DPP10: variants seen among roughly 807,000 people sequenced by gnomAD.
DPP10 encodes the protein dipeptidyl peptidase like 10, also known as inactive dipeptidyl peptidase 10.
Under a neutral mutation model 120.9 loss-of-function variants are expected in DPP10, and 33 were observed. The ratio of observed to expected loss-of-function variants is 0.27; its 90% confidence interval spans 0.21 to 0.37. The LOEUF is 0.37. Among genes scored for constraint, DPP10 ranks in the 10% least tolerant of loss-of-function variants. DPP10 has a pLI of 1.00. For synonymous variants in DPP10, 337 were observed against 326.1 expected, an observed-to-expected ratio of 1.03 and a Z score of -0.36; for missense variants, 816 against 942.8, an observed-to-expected ratio of 0.87 and a Z score of 1.76.
At chr2:114,805,714 G>C (rs767720355) in intron 1 of DPP10, among the ~76,000 whole-genome samples, 2 of 152,172 alleles carry the variant, frequency 1.3e-5, no homozygotes, top group African/African-American at 2.4e-5. Context: ...GAGACACTCA[G>C]AGACCAAAGT....
chr2:114,538,078 G>T (rs1044489936), intron 1 of DPP10, among the ~76,000 whole-genome samples: 6 of 152,170 alleles, frequency 3.9e-5, no homozygotes, highest in African/African-American at 1.2e-4. Flanking sequence ...GCTAGCTGTT[G>T]GGTTTGTAAA....
intron 1 of DPP10, among the ~76,000 whole-genome samples, chr2:114,983,482 G>C (rs541194197): frequency 1.6e-4 from 24 of 152,210 alleles, no homozygotes; most frequent in African/African-American, 5.5e-4. Context: ...ATTTTTACTG[G>C]TGAATACATT....
At chr2:114,976,572 CT>C (rs1052577803) in intron 1 of DPP10, among the ~76,000 whole-genome samples, 1 of 152,128 alleles carries the variant, frequency 6.6e-6, no homozygotes, top group African/African-American at 2.4e-5. Context: ...TCATACTTTC[CT>C]TTTTAAACTG....
chr2:115,278,620 A>G (rs13414518), intron 1 of DPP10, among the ~76,000 whole-genome samples: 262 of 152,172 alleles, frequency 1.7e-3, no homozygotes, highest in African/African-American at 6.0e-3. Flanking sequence ...CTGACTATGC[A>G]GAGATCACAT....
At chr2:115,700,461 A>G (rs1452804934) in intron 7 of DPP10, among the ~76,000 whole-genome samples, 1 of 152,208 alleles carries the variant, frequency 6.6e-6, no homozygotes, top group African/African-American at 2.4e-5. Flanking sequence ...CATGTATGCA[A>G]AATGAACGGT....
intron 1 of DPP10, among the ~76,000 whole-genome samples, chr2:115,011,564 TTTG>T (rs995187555): frequency 2.0e-5 from 3 of 152,264 alleles, no homozygotes; most frequent in South Asian, 2.1e-4. Flanking sequence ...CACACAGCTT[TTTG>T]TTGTTGTTGT....
At chr2:115,822,930 A>T (rs1366228712) in intron 21 of DPP10, among the ~76,000 whole-genome samples, 1 of 151,994 alleles carries the variant, frequency 6.6e-6, no homozygotes, top group African/African-American at 2.4e-5. Context: ...GCTTAAATTT[A>T]AAAAAATTGT....
rs186625379 is a variant in DPP10 at position 114,733,774 on chromosome 2, T to C, written c.60+290936T>C. Among the ~76,000 whole-genome samples the C allele has an allele frequency of 5.9e-4, 90 of 152,316 alleles. 1 individual carries two copies. Among genetic ancestry groups the C allele is most frequent in the Middle Eastern group, 3.4e-3 (1 of 294 alleles). On this transcript the variant is annotated intron_variant, in intron 1 of 25. Coordinates refer to ENST00000410059, the MANE Select transcript of DPP10 (RefSeq NM_020868.6). ...CTTTTGCTGTTTTCAAATGTAATTA[T>C]TATAGAGTATTGAATATAACGATCC...
At chr2:114,986,017 T>G (rs1403595956) in intron 1 of DPP10, among the ~76,000 whole-genome samples, 1 of 152,232 alleles carries the variant, frequency 6.6e-6, no homozygotes, top group East Asian at 1.9e-4. Context: ...TACTTTGTGA[T>G]GCGGCAGTCA....
At position 115,575,733 on chromosome 2, in the gene DPP10, G is replaced by T. The variant is rs547147501; in HGVS notation, c.441+49761G>T. ...ACCTTTTATGGCAAAGGGGAATTGA[G>T]GCTGGAAGTCAGTTGAGAGAGCATA... On this transcript the variant is annotated intron_variant, in intron 5 of 25. Transcript: ENST00000410059. 2.3e-3 allele frequency among the ~76,000 whole-genome samples: 354 copies of T among 152,260 alleles called. 2 individuals carry two copies. The highest frequency in any genetic ancestry group is 4.2e-3 in the Non-Finnish European group (285 of 68,026).
At chr2:115,393,590 T>C (rs893029777) in intron 3 of DPP10, among the ~76,000 whole-genome samples, 1 of 152,198 alleles carries the variant, frequency 6.6e-6, no homozygotes, top group African/African-American at 2.4e-5. Context: ...ATTAAATTCA[T>C]TAAGGGCCAA....
chr2:115,232,669 T>G (rs2057795847), intron 1 of DPP10, among the ~76,000 whole-genome samples: 1 of 152,272 alleles, frequency 6.6e-6, no homozygotes, highest in Non-Finnish European at 1.5e-5. Context: ...GCAAGGGAGC[T>G]GATTTCATTT....
At chr2:115,126,958 C>A (rs964851480) in intron 1 of DPP10, among the ~76,000 whole-genome samples, 1 of 152,100 alleles carries the variant, frequency 6.6e-6, no homozygotes, top group African/African-American at 2.4e-5. Context: ...TTTTGAAATT[C>A]TATAGACTTT....
intron 1 of DPP10, among the ~76,000 whole-genome samples, chr2:115,016,999 T>C (rs1398490841): frequency 1.4e-5 from 2 of 142,058 alleles, no homozygotes; most frequent in Non-Finnish European, 3.0e-5. Context: ...TAGGTAGGAA[T>C]TGAACAATGA....
intron 13 of DPP10, among the ~76,000 whole-genome samples, chr2:115,775,777 G>A (rs896680555): frequency 6.6e-6 from 1 of 152,030 alleles, no homozygotes; most frequent in African/African-American, 2.4e-5. Context: ...TTATTGACAA[G>A]TTGACTTATT....
At chr2:115,017,488 C>A (rs572953494) in intron 1 of DPP10, among the ~76,000 whole-genome samples, 1 of 152,218 alleles carries the variant, frequency 6.6e-6, no homozygotes, top group Non-Finnish European at 1.5e-5. Context: ...TTTGACCCAG[C>A]CATTCCATTA....
intron 1 of DPP10, among the ~76,000 whole-genome samples, chr2:114,524,663 G>T (rs1685348387): frequency 6.6e-6 from 1 of 152,290 alleles, no homozygotes; most frequent in African/African-American, 2.4e-5. Flanking sequence ...CTCAAGTTTT[G>T]TTGCAATAAA....
rs542835721 is a variant in DPP10, at chr2:115,331,835, T to C, written c.176-11982T>C. Reference sequence around the variant, plus strand: ...CTGGATTCGGTTTGCCAGTATTTTATTGAGGATTTTTGCATCAATGTTCAT... The same window carrying C: ...CTGGATTCGGTTTGCCAGTATTTTACTGAGGATTTTTGCATCAATGTTCAT... On this transcript the variant is annotated intron_variant, in intron 2 of 25. Coordinates refer to ENST00000410059, the MANE Select transcript of DPP10 (RefSeq NM_020868.6). Among the ~76,000 whole-genome samples, 27 of 152,326 alleles carry C rather than the reference T, an allele frequency of 1.8e-4. No individual in the cohort carries two copies. In the South Asian group the frequency reaches 5.6e-3, roughly 32 times the overall value.
intron 1 of DPP10, among the ~76,000 whole-genome samples, chr2:114,758,760 CT>C (rs1195037556): frequency 6.6e-6 from 1 of 152,090 alleles, no homozygotes; most frequent in Non-Finnish European, 1.5e-5. Flanking sequence ...ATTAATCACA[CT>C]GAAAAATAGC....
Sources: allele counts gnomAD v4.1 joint callset (sites outside exome capture counted in the v4.1 genomes callset), GRCh38; gene constraint gnomAD v4.1.1; transcripts MANE v1.5; gene names NCBI Gene and HGNC (gene_info 2026-07-23, HGNC 2026-07-21).